SYN3: variants seen among roughly 807,000 people sequenced by gnomAD.
SYN3 encodes the protein synapsin-3.
Under a neutral mutation model 65.8 loss-of-function variants are expected in SYN3, and 35 were observed. That is an observed-to-expected ratio of 0.53 (90% CI 0.41 to 0.70). The LOEUF (loss-of-function observed/expected upper bound fraction) is 0.70. SYN3 is among the 30% of genes least tolerant of loss of function. The pLI is 0.00. For missense variants in SYN3, 680 were observed against 749.0 expected (o/e 0.91, Z 1.08); for synonymous variants, 270 against 292.9 (o/e 0.92, Z 0.80).
rs192226194 is a variant in SYN3 at position 32,511,621 on chromosome 22, C to A, written c.*2071G>T. Among the ~76,000 whole-genome samples the A allele has an allele frequency of 1.3e-5, 2 of 152,140 alleles. No homozygotes were observed. Among genetic ancestry groups the A allele is most frequent in the African/African-American group, 4.8e-5 (2 of 41,436 alleles). On this transcript the variant is annotated 3_prime_UTR_variant, in exon 14 of 14. Transcript: ENST00000358763. ...GAGTAAGGGTGGTGGGCTTTTTGGG[C>A]GCTAGAAAGAGTACCAGGCCTTCAC...
intron 7 of SYN3, among the ~76,000 whole-genome samples, chr22:32,554,211 C>A (rs2058458197): frequency 6.6e-6 from 1 of 152,170 alleles, no homozygotes; most frequent in South Asian, 2.1e-4. Context: ...TTTGCACTTG[C>A]TGTTCCTGCT....
chr22:32,984,707 GCATCTTTCGTGGATTTAAAAATCA>G (rs1279379371), intron 2 of SYN3, among the ~76,000 whole-genome samples: 1 of 152,104 alleles, frequency 6.6e-6, no homozygotes, highest in Non-Finnish European at 1.5e-5. Flanking sequence ...TCCAAGGTAG[GCATCTTTCGTGGATTTAAAAATCA>G]CTTGCTTTTA....
At chr22:32,932,616 T>G (rs2050664427) in intron 3 of SYN3, among the ~76,000 whole-genome samples, 1 of 152,174 alleles carries the variant, frequency 6.6e-6, no homozygotes, top group African/African-American at 2.4e-5. Flanking sequence ...GACCTACCTT[T>G]GGATTTTGTG....
intron 7 of SYN3, among the ~76,000 whole-genome samples, chr22:32,591,807 T>C (rs2146558210): frequency 6.6e-6 from 1 of 152,298 alleles, no homozygotes; most frequent in African/African-American, 2.4e-5. Flanking sequence ...TTCCTAGGTT[T>C]TGAAGTGCAC....
intron 4 of SYN3, among the ~76,000 whole-genome samples, chr22:32,928,171 A>G (rs1184729601): frequency 6.6e-6 from 1 of 152,132 alleles, no homozygotes; most frequent in African/African-American, 2.4e-5. Flanking sequence ...TGTACTAAAA[A>G]TACAAAAAAT....
intron 6 of SYN3, chr22:32,860,920 T>A (rs1455922764): frequency 2.0e-5 from 3 of 151,380 alleles, no homozygotes; most frequent in Non-Finnish European, 2.9e-5. Context: ...TGTGTTTTTT[T>A]TTTTTTTTTT....
intron 6 of SYN3, among the ~76,000 whole-genome samples, chr22:32,705,170 G>T (rs2060864137): frequency 6.6e-6 from 1 of 152,110 alleles, no homozygotes; most frequent in African/African-American, 2.4e-5. Context: ...TGTCTTCCAG[G>T]ATTTTTATAG....
chr22:32,556,795 GGTTTCCTGGTTTTTTTTT>G (rs1236827932), intron 7 of SYN3, among the ~76,000 whole-genome samples: 7,648 of 87,162 alleles, frequency 0.088, 1,416 homozygotes, highest in South Asian at 0.15. Context: ...CCAATCTATA[GGTTTCCTGGTTTTTTTTT>G]TTTTTTTTTT....
intron 10 of SYN3, among the ~76,000 whole-genome samples, chr22:32,530,364 A>G (rs1349299422): frequency 6.6e-6 from 1 of 152,174 alleles, no homozygotes; most frequent in Non-Finnish European, 1.5e-5. Context: ...TCCTCATTGT[A>G]ATCAAGAGGA....
intron 6 of SYN3, among the ~76,000 whole-genome samples, chr22:32,662,806 A>G (rs1197370222): frequency 6.6e-6 from 1 of 152,310 alleles, no homozygotes. Context: ...CTGACCACAT[A>G]TGTGTTCCAA....
At chr22:33,034,657 A>G (rs1321249989) in intron 1 of SYN3, among the ~76,000 whole-genome samples, 2 of 152,140 alleles carry the variant, frequency 1.3e-5, no homozygotes, top group African/African-American at 4.8e-5. Context: ...TTACTCAAGC[A>G]CTGAGCGAAT....
In SYN3 at chr22:32,573,524, T is replaced by C. The variant is rs115688929; in HGVS notation, c.774+23150A>G. Among the ~76,000 whole-genome samples the C allele has an allele frequency of 6.7e-3, 1,025 of 152,316 alleles. 8 individuals carry two copies. The highest frequency in any genetic ancestry group is 0.023 in the African/African-American group (950 of 41,562). On this transcript the variant is annotated intron_variant, in intron 7 of 13. Transcript: ENST00000358763. ...CAAAAGGGCCTTATTGTTCTCTTGA[T>C]GAACTCTATCATACATGTTGTAAAT...
chr22:32,780,965 CCTTCCTTCCTTCCCTCCT>C lies in SYN3; in HGVS notation c.711+83932_711+83949del, dbSNP rs1390170659. 4.3e-4 allele frequency among the ~76,000 whole-genome samples: 36 copies of C among 83,222 alleles called. 1 individual carries two copies. The South Asian group carries it at 8.7e-3, about 20-fold the overall frequency. The allele number at this position is 83,222 out of a possible 152,430, so 54.6% of individuals were successfully genotyped here. A position where few individuals can be genotyped will look rare whatever the true frequency, so the allele number is the denominator to read the frequency against. ...TCCTTCCTTCCTTCCTTCCTTCCTT[CCTTCCTTCCTTCCCTCCT>C]TCCTTCCTCTCTCTCACCCCCTTCT... On this transcript the variant is annotated intron_variant, in intron 6 of 13. Coordinates refer to ENST00000358763, the MANE Select transcript of SYN3 (RefSeq NM_003490.4).
In SYN3 at chr22:32,533,847, G is replaced by T. The variant is rs1179291759; in HGVS notation, c.1041C>A (p.Asp347Glu). 6.2e-7 allele frequency: 1 copy of T among 1,614,018 alleles called. No individual in the cohort carries two copies. The highest frequency in any genetic ancestry group is 2.2e-5 in the East Asian group (1 of 44,876). ...DSCSEMFGGL[D>E]ICAVKAVHSK... The stretch of plus-strand genomic sequence containing the variant: ...TGTGGACAGCCTTGACGGCACAGAT[G>T]TCCAGGCCGCCAAACATTTCCGAGC... Residue 347 changes from aspartate (D) to glutamate (E), a missense_variant, in exon 10 of 14, where the codon GAC (aspartate) becomes GAA (glutamate). Physicochemically the swap from Asp to Glu is conservative, Grantham distance 45. Transcript: ENST00000358763.
chr22:32,565,331 T>C (rs1298297766), intron 7 of SYN3, among the ~76,000 whole-genome samples: 2 of 152,164 alleles, frequency 1.3e-5, no homozygotes, highest in Non-Finnish European at 2.9e-5. Context: ...GGAACTCCAG[T>C]GAGAGTCACA....
chr22:32,938,582 A>G (rs2050844136), intron 3 of SYN3, among the ~76,000 whole-genome samples: 1 of 152,030 alleles, frequency 6.6e-6, no homozygotes, highest in Non-Finnish European at 1.5e-5. Flanking sequence ...AAACCAACCA[A>G]AAAACAACTG....
At chr22:32,646,686 T>C (rs569575939) in intron 6 of SYN3, among the ~76,000 whole-genome samples, 3 of 152,116 alleles carry the variant, frequency 2.0e-5, no homozygotes, top group African/African-American at 7.2e-5. Flanking sequence ...TGAGTAAGGG[T>C]TTTCTCGGGT....
chr22:32,625,417 C>T (rs1028742445), intron 6 of SYN3, among the ~76,000 whole-genome samples: 2 of 152,188 alleles, frequency 1.3e-5, no homozygotes, highest in Non-Finnish European at 2.9e-5. Context: ...ACCAACCACC[C>T]CTTTCTCCCA....
At chr22:32,574,893 C>T (rs1031546126) in intron 7 of SYN3, among the ~76,000 whole-genome samples, 1 of 152,114 alleles carries the variant, frequency 6.6e-6, no homozygotes, top group Non-Finnish European at 1.5e-5. Context: ...TTTTCTATAC[C>T]CTCCAAAATA....
Sources: allele counts gnomAD v4.1 joint callset (sites outside exome capture counted in the v4.1 genomes callset), GRCh38; gene constraint gnomAD v4.1.1; transcripts MANE v1.5; gene names NCBI Gene and HGNC (gene_info 2026-07-23, HGNC 2026-07-21).